Variants in APLP2 observed in about 807,000 individuals in gnomAD.
APLP2 encodes amyloid beta precursor like protein 2, also known as CDEI box-binding protein.
A neutral mutation model predicts 89.9 loss-of-function variants in APLP2; 53 were observed. That is an observed-to-expected ratio of 0.59 (90% CI 0.47 to 0.74). The LOEUF (loss-of-function observed/expected upper bound fraction) is 0.74, where lower values mean the gene tolerates loss of function less well. Among genes scored for constraint, APLP2 ranks in the 30% least tolerant of loss-of-function variants. The pLI is 0.00. For synonymous variants in APLP2, 372 were observed against 348.6 expected, an observed-to-expected ratio of 1.07 and a Z score of -0.75; for missense variants, 973 against 975.9, an observed-to-expected ratio of 1.00 and a Z score of 0.04.
At chr11:130,107,923 C>T (rs912588125) in intron 1 of APLP2, among the ~76,000 whole-genome samples, 3 of 152,148 alleles carry the variant, frequency 2.0e-5, no homozygotes, top group African/African-American at 7.2e-5. Context: ...CATCTAAAAC[C>T]ATCTGATCTT....
intron 1 of APLP2, among the ~76,000 whole-genome samples, chr11:130,089,261 CT>C: frequency 6.6e-6 from 1 of 152,132 alleles, no homozygotes; most frequent in Non-Finnish European, 1.5e-5. Context: ...AACTGGTCTC[CT>C]TTCTATACTT....
At chr11:130,080,645 G>C (rs1462156736) in intron 1 of APLP2, among the ~76,000 whole-genome samples, 1 of 151,482 alleles carries the variant, frequency 6.6e-6, no homozygotes, top group Non-Finnish European at 1.5e-5. Context: ...CCTGGACTGT[G>C]ATGACTGTAA....
intron 1 of APLP2, among the ~76,000 whole-genome samples, chr11:130,075,214 G>A (rs1000650273): frequency 6.6e-6 from 1 of 152,142 alleles, no homozygotes; most frequent in Non-Finnish European, 1.5e-5. Context: ...CAGTGGCGCA[G>A]CCATGGCTCA....
chr11:130,076,934 G>A (rs1942245553), intron 1 of APLP2, among the ~76,000 whole-genome samples: 1 of 152,214 alleles, frequency 6.6e-6, no homozygotes, highest in South Asian at 2.1e-4. Flanking sequence ...CTCAGGGCCT[G>A]CTTTTGGAAG....
intron 3 of APLP2, among the ~76,000 whole-genome samples, chr11:130,119,875 G>A (rs1949623591): frequency 6.6e-6 from 1 of 152,182 alleles, no homozygotes; most frequent in East Asian, 1.9e-4. Context: ...ATTTTCCTAA[G>A]TGTCCAACTA....
At chr11:130,106,723 C>T (rs141477037) in intron 1 of APLP2, among the ~76,000 whole-genome samples, 1 of 151,428 alleles carries the variant, frequency 6.6e-6, no homozygotes, top group Non-Finnish European at 1.5e-5. Flanking sequence ...GAGTCTTGCT[C>T]TCTTGCCTAG....
At position 130,142,912 on chromosome 11, in the gene APLP2, C is replaced by A. The variant is rs181909670; in HGVS notation, c.2155-435C>A. 2.5e-3 allele frequency among the ~76,000 whole-genome samples: 386 copies of A among 152,302 alleles called. 1 individual carries two copies. The highest frequency in any genetic ancestry group is 9.0e-3 in the African/African-American group (374 of 41,572). ...ACAAGCATGAGCTACTGCACCTGGC[C>A]AGTTACTTGGTTTTATCTCCTGCTG... On this transcript the variant is annotated intron_variant, in intron 16 of 16. Coordinates refer to ENST00000338167, the MANE Select transcript of APLP2 (RefSeq NM_001142276.2).
At chr11:130,074,905 A>C (rs548110593) in intron 1 of APLP2, among the ~76,000 whole-genome samples, 110 of 152,340 alleles carry the variant, frequency 7.2e-4, no homozygotes, top group African/African-American at 2.5e-3. Flanking sequence ...TGGAGGGGCC[A>C]GTTGAGAGAG....
intron 1 of APLP2, among the ~76,000 whole-genome samples, chr11:130,071,672 T>C (rs568775821): frequency 6.6e-6 from 1 of 152,354 alleles, no homozygotes; most frequent in East Asian, 1.9e-4. Context: ...TCGTTAATAC[T>C]TGTGTAGCGG....
At chr11:130,142,176 ATGC>A in intron 16 of APLP2, 102 bp downstream of exon 16, 1 of 1,291,476 alleles carries the variant, frequency 7.7e-7, no homozygotes, top group Non-Finnish European at 1.0e-6. Flanking sequence ...AGTACTGGAC[ATGC>A]TGCTGTTATC....
chr11:130,126,627 C>G (rs1950395751), intron 7 of APLP2, 73 bp from the exon 8 acceptor site: 1 of 1,577,656 alleles, frequency 6.3e-7, no homozygotes, highest in Admixed American at 1.7e-5. Context: ...CCTGCAGGTC[C>G]TGAGCTGGGT....
At chr11:130,095,955 G>A (rs940275531) in intron 1 of APLP2, among the ~76,000 whole-genome samples, 5 of 151,078 alleles carry the variant, frequency 3.3e-5, no homozygotes, top group African/African-American at 1.2e-4. Flanking sequence ...TCCCCTTGAC[G>A]AAGTCACATT....
intron 1 of APLP2, among the ~76,000 whole-genome samples, chr11:130,093,360 C>CA (rs1273484741): frequency 6.6e-6 from 1 of 152,114 alleles, no homozygotes; most frequent in Non-Finnish European, 1.5e-5. Flanking sequence ...AGGGAATAGA[C>CA]AAAGACAAGT....
chr11:130,129,866 C>G (rs1213640492), intron 10 of APLP2, among the ~76,000 whole-genome samples, 172 bp from the exon 11 acceptor site: 1 of 152,206 alleles, frequency 6.6e-6, no homozygotes, highest in African/African-American at 2.4e-5. Flanking sequence ...TGCTATTTTA[C>G]CTAGACAGTT....
intron 1 of APLP2, among the ~76,000 whole-genome samples, chr11:130,096,422 AAAAGTGCTGTTGAGGCTGGGCCC>A (rs1412132838): frequency 8.5e-5 from 13 of 152,362 alleles, no homozygotes; most frequent in Admixed American, 8.5e-4. Flanking sequence ...CAAGTAGTAC[AAAAGTGCTGTTGAGGCTGGGCCC>A]TGTGGCTCAT....
rs73041257 is a variant in APLP2 at position 130,100,746 on chromosome 11, C to T, written c.106-8683C>T. Among the ~76,000 whole-genome samples the T allele has an allele frequency of 6.5e-3, 995 of 152,228 alleles. 7 individuals carry two copies. Among genetic ancestry groups the T allele is most frequent in the Middle Eastern group, 0.037 (11 of 294 alleles). Reference sequence around the variant, plus strand: ...GTCTGTGAAAATAATACCTAACAGCCGGCATATGTCACTGTAAGAATAATG... The same window carrying T: ...GTCTGTGAAAATAATACCTAACAGCTGGCATATGTCACTGTAAGAATAATG... On this transcript the variant is annotated intron_variant, in intron 1 of 16. Coordinates refer to ENST00000338167, the MANE Select transcript of APLP2 (RefSeq NM_001142276.2).
chr11:130,140,584 GT>G (rs1290863289), intron 14 of APLP2, 101 bp downstream of exon 14: 1 of 949,544 alleles, frequency 1.1e-6, no homozygotes. Flanking sequence ...CTCTGTGTTC[GT>G]TTTCCGCACA....
intron 1 of APLP2, among the ~76,000 whole-genome samples, chr11:130,077,783 A>T (rs1942389464): frequency 1.3e-5 from 2 of 152,208 alleles, no homozygotes; most frequent in Admixed American, 6.5e-5. Flanking sequence ...ATCAACACAT[A>T]GTGTTAATTA....
rs959414642 is a variant in APLP2, at chr11:130,123,883, C to A, written c.1090+104C>A. ...CATCTGTGTGGTGTCCCTGCCCACT[C>A]GGGTGTTTGCTGTCGGTCGTCTTCC... On this transcript the variant is annotated intron_variant, in intron 7 of 16. Transcript: ENST00000338167. This position sits in a 1 kb window ranked among gnomAD's most constrained non-coding sequence, Gnocchi z 4.0. 3 of 1,298,890 alleles carry A rather than the reference C, an allele frequency of 2.3e-6. No individual in the cohort carries two copies. The highest frequency in any genetic ancestry group is 3.2e-6 in the Non-Finnish European group (3 of 930,168). 80.5% of individuals were successfully genotyped at this position (1,298,890 alleles called of 1,614,324 possible). A position where few individuals can be genotyped will look rare whatever the true frequency, so the allele number is the denominator to read the frequency against.
Sources: allele counts gnomAD v4.1 joint callset (sites outside exome capture counted in the v4.1 genomes callset), GRCh38; gene constraint gnomAD v4.1.1; non-coding constraint Gnocchi (gnomAD v3.1); transcripts MANE v1.5; gene names NCBI Gene and HGNC (gene_info 2026-07-23, HGNC 2026-07-21).